Variants in POU3F3 observed in about 807,000 individuals in gnomAD.
The protein encoded by POU3F3 is POU domain, class 3, transcription factor 3.
POU3F3 carries 1 observed loss-of-function variant against 8.6 expected under a neutral mutation model. That is an observed-to-expected ratio of 0.12 (90% confidence interval 0.04 to 0.55). POU3F3 has a LOEUF of 0.55. POU3F3 is among the 20% of genes least tolerant of loss of function. The pLI is 0.91. For synonymous variants in POU3F3, 418 were observed against 327.4 expected (o/e 1.28, Z -2.99); for missense variants, 577 against 690.7 (o/e 0.84, Z 1.84).
chr2:104,901,622 G>A, the POU3F3 span, among the ~76,000 whole-genome samples: 1 of 152,346 alleles, frequency 6.6e-6, no homozygotes, highest in South Asian at 2.1e-4. Flanking sequence ...TAGCAGGGGA[G>A]GGGAACTGCT....
the POU3F3 span, among the ~76,000 whole-genome samples, chr2:104,906,439 G>A: frequency 1.3e-5 from 2 of 152,236 alleles, no homozygotes; most frequent in South Asian, 2.1e-4. Flanking sequence ...TTTCTGTTGC[G>A]TTTTAGTGTC....
the POU3F3 span, among the ~76,000 whole-genome samples, chr2:104,891,845 C>T: frequency 6.6e-6 from 1 of 152,198 alleles, no homozygotes; most frequent in African/African-American, 2.4e-5. Flanking sequence ...TCCAGTCAAT[C>T]AACCAGCTGT....
At chr2:104,919,395 G>C in the POU3F3 span, among the ~76,000 whole-genome samples, 2 of 152,310 alleles carry the variant, frequency 1.3e-5, no homozygotes, top group Non-Finnish European at 2.9e-5. Context: ...CAGCTGTCCA[G>C]CTTTCAGAGC....
rs555581056 is a variant in POU3F3 at position 104,854,659 on chromosome 2, C to A, written c.-852C>A. The stretch of plus-strand genomic sequence containing the variant: ...CCAAGAGCTCCGGCAATAGCAACTT[C>A]AGAGAAATGCACCATCGCAAGAAGT... On this transcript the variant is annotated 5_prime_UTR_variant, in exon 1 of 1. Coordinates refer to ENST00000361360, the MANE Select transcript of POU3F3 (RefSeq NM_006236.3). This position sits in a 1 kb window ranked among gnomAD's most constrained non-coding sequence, Gnocchi z 4.5. Among the ~76,000 whole-genome samples, 227 of 152,284 alleles carry A rather than the reference C, an allele frequency of 1.5e-3. No individual in the cohort carries two copies. The highest frequency in any genetic ancestry group is 2.1e-3 in the Non-Finnish European group (143 of 68,028).
chr2:104,910,013 C>T, the POU3F3 span, among the ~76,000 whole-genome samples: 118 of 152,188 alleles, frequency 7.8e-4, 1 homozygote, highest in African/African-American at 2.6e-3. Flanking sequence ...GGATAAAAAA[C>T]GTCCAACCAA....
the POU3F3 span, among the ~76,000 whole-genome samples, chr2:104,883,987 C>A: frequency 2.0e-5 from 3 of 152,128 alleles, no homozygotes; most frequent in African/African-American, 4.8e-5. Context: ...ACTCTCACTT[C>A]CCTAGGTGAG....
Position 104,856,795 on chromosome 2 carries a change from C to A in POU3F3, c.1285C>A (p.Pro429Thr). The A allele has an allele frequency of 6.2e-7, 1 of 1,614,074 alleles. No individual in the cohort carries two copies. The highest frequency in any genetic ancestry group is 8.5e-7 in the Non-Finnish European group (1 of 1,180,016). Residue 429 changes from proline (P) to threonine (T), a missense_variant, in exon 1 of 1, where the codon CCC becomes ACC. Around this residue, in one of 7 missense-constraint regions of POU3F3, gnomAD observed 21 missense variants for 41.9 expected, o/e 0.50. Coordinates refer to ENST00000361360, the MANE Select transcript of POU3F3 (RefSeq NM_006236.3). ...GCTGGAGAGCCACTTCCTCAAGTGC[C>A]CCAAGCCCTCCGCGCAGGAGATCAC... ...GALESHFLKC[P>T]KPSAQEITNL...
the POU3F3 span, among the ~76,000 whole-genome samples, chr2:104,925,535 T>C: frequency 6.6e-6 from 1 of 152,144 alleles, no homozygotes; most frequent in African/African-American, 2.4e-5. Context: ...ACAGAATCTC[T>C]CTGGATTATG....
the POU3F3 span, among the ~76,000 whole-genome samples, chr2:104,914,809 T>C: frequency 2.6e-5 from 4 of 152,162 alleles, no homozygotes; most frequent in Non-Finnish European, 5.9e-5. Flanking sequence ...AAGGAGAAGA[T>C]CTGACCCGGA....
the POU3F3 span, among the ~76,000 whole-genome samples, chr2:104,871,851 G>A: frequency 6.6e-6 from 1 of 152,144 alleles, no homozygotes; most frequent in Non-Finnish European, 1.5e-5. Context: ...AACGCAGAAA[G>A]AACTCAACAA....
chr2:104,876,253 C>A, the POU3F3 span, among the ~76,000 whole-genome samples: 1 of 152,196 alleles, frequency 6.6e-6, no homozygotes, highest in South Asian at 2.1e-4. Context: ...TGTTCCTTGT[C>A]TTCTTCCTGG....
At chr2:104,859,243 G>T (rs1676628058), downstream of POU3F3, among the ~76,000 whole-genome samples, 1 of 152,066 alleles carries the variant, frequency 6.6e-6, no homozygotes, top group Admixed American at 6.5e-5. Context: ...CTATATTTCT[G>T]TGTTTTTGTC....
the POU3F3 span, among the ~76,000 whole-genome samples, chr2:104,881,577 A>T: frequency 6.6e-6 from 1 of 151,994 alleles, no homozygotes; most frequent in African/African-American, 2.4e-5. Context: ...CTCTCTCTCT[A>T]CACACATACA....
the POU3F3 span, among the ~76,000 whole-genome samples, chr2:104,903,811 CA>C: frequency 6.6e-6 from 1 of 152,132 alleles, no homozygotes; most frequent in African/African-American, 2.4e-5. Flanking sequence ...CGGGTTCTTG[CA>C]GGAAGATGGG....
chr2:104,857,191 A>C lies in POU3F3; in HGVS notation c.*178A>C. 6.2e-6 allele frequency: 4 copies of C among 649,834 alleles called. No individual in the cohort carries two copies. Among genetic ancestry groups the C allele is most frequent in the Non-Finnish European group, 7.7e-6 (4 of 522,832 alleles). The allele number at this position is 649,834 out of a possible 1,614,324, so 40.3% of individuals were successfully genotyped here. On this transcript the variant is annotated 3_prime_UTR_variant, in exon 1 of 1. Coordinates refer to ENST00000361360, the MANE Select transcript of POU3F3 (RefSeq NM_006236.3). Reference sequence around the variant, plus strand: ...AGGCCCATCCGCCGCCCTCCCCTCCACCCAGAGACAGGCATGCCCGCCCTT... The same window carrying C: ...AGGCCCATCCGCCGCCCTCCCCTCCCCCCAGAGACAGGCATGCCCGCCCTT...
At chr2:104,920,612 A>G in the POU3F3 span, among the ~76,000 whole-genome samples, 2 of 152,146 alleles carry the variant, frequency 1.3e-5, no homozygotes, top group Non-Finnish European at 2.9e-5. Flanking sequence ...ACCATACCAT[A>G]AAAAGGGGCC....
At chr2:104,886,254 T>A in the POU3F3 span, among the ~76,000 whole-genome samples, 279 of 152,244 alleles carry the variant, frequency 1.8e-3, 1 homozygote, top group Middle Eastern at 6.8e-3. Flanking sequence ...TTTTGGTCAA[T>A]GTCAGGCCAC....
the POU3F3 span, among the ~76,000 whole-genome samples, chr2:104,919,281 C>T: frequency 1.4e-4 from 22 of 152,208 alleles, no homozygotes; most frequent in African/African-American, 4.8e-4. Context: ...GGAGGAACTT[C>T]CCTGCACATT....
At chr2:104,916,908 G>C in the POU3F3 span, among the ~76,000 whole-genome samples, 2 of 152,232 alleles carry the variant, frequency 1.3e-5, no homozygotes, top group Non-Finnish European at 2.9e-5. Flanking sequence ...AAAGAGATTA[G>C]CATTTGGATC....
Sources: gnomAD v4.1 joint callset for allele counts (sites outside exome capture counted in the v4.1 genomes callset) on GRCh38, gnomAD v4.1.1 for gene constraint, gnomAD v4.1.1 regional missense constraint, Gnocchi (gnomAD v3.1) non-coding constraint, MANE v1.5 for transcripts, NCBI Gene and HGNC (gene_info 2026-07-23, HGNC 2026-07-21) for gene names.